The following LRRFIP1 variants were observed in gnomAD, a reference collection of about 807,000 sequenced individuals.
LRRFIP1 encodes LRR binding FLII interacting protein 1.
Under a neutral mutation model 104.4 loss-of-function variants are expected in LRRFIP1, and 62 were observed. That is an observed-to-expected ratio of 0.59 (90% confidence interval 0.48 to 0.73). The LOEUF (loss-of-function observed/expected upper bound fraction) is 0.73. Ranked by LOEUF, LRRFIP1 falls within the 30% of genes least tolerant of loss-of-function variation. The pLI is 0.00. For missense variants in LRRFIP1, 796 were observed against 824.5 expected (o/e 0.97, Z 0.42); for synonymous variants, 300 against 299.0 (o/e 1.00, Z -0.03).
At chr2:237,743,769 G>A (rs544923848) in intron 11 of LRRFIP1, among the ~76,000 whole-genome samples, 2 of 152,260 alleles carry the variant, frequency 1.3e-5, no homozygotes, top group African/African-American at 4.8e-5. Flanking sequence ...TGTGAGGGGA[G>A]GCAAAGGTGC....
In LRRFIP1 at chr2:237,627,658, C is replaced by T. The variant is rs1326279859; in HGVS notation, c.14C>T (p.Thr5Ile). ...GCGACGCGGTCGATGGACATGGGCA[C>T]CCAGGGATCGGGGCGCAAGCGGCTC... Reference protein sequence around the residue: MDMGTQGSGRKRLPN... With the variant: MDMGIQGSGRKRLPN... The change falls in exon 1 of 24, where the codon ACC becomes ATC. Residue 5 changes from threonine (T) to isoleucine (I), a missense_variant. Thr to Ile is a moderately conservative substitution (Grantham distance 89). Coordinates refer to ENST00000308482, the MANE Select transcript of LRRFIP1 (RefSeq NM_001137550.2). 4 of 1,359,324 alleles carry T rather than the reference C, an allele frequency of 2.9e-6. No homozygotes were observed. Among genetic ancestry groups the T allele is most frequent in the African/African-American group, 1.5e-5 (1 of 65,774 alleles). The allele number at this position is 1,359,324 out of a possible 1,614,324, so 84.2% of individuals were successfully genotyped here.
At position 237,703,680 on chromosome 2, in the gene LRRFIP1, G is replaced by A. The variant is rs899576737; in HGVS notation, c.97-4864G>A. Among the ~76,000 whole-genome samples, 2 of 152,000 alleles carry A rather than the reference G, an allele frequency of 1.3e-5. No individual in the cohort carries two copies. Among genetic ancestry groups the A allele is most frequent in the African/African-American group, 2.4e-5 (1 of 41,360 alleles). On this transcript the variant is annotated intron_variant, in intron 1 of 23. Transcript: ENST00000308482. The surrounding 1 kb of genome is among the most constrained non-coding windows in gnomAD (Gnocchi z 4.3). ...AGAGCAGCCCCCGCCCCTGCCACAC[G>A]TTTCTTCCCCCATGTGGTCCTCATC...
At chr2:237,731,636 G>A (rs1259117742) in intron 8 of LRRFIP1, among the ~76,000 whole-genome samples, 2 of 152,164 alleles carry the variant, frequency 1.3e-5, no homozygotes, top group African/African-American at 4.8e-5. Context: ...TAGTCATTAA[G>A]AAAACTTCAT....
intron 1 of LRRFIP1, among the ~76,000 whole-genome samples, chr2:237,675,165 G>T (rs997195537): frequency 2.6e-5 from 4 of 152,202 alleles, no homozygotes; most frequent in African/African-American, 9.7e-5. Context: ...CCCACTCCAA[G>T]CCTTCTGGGA....
chr2:237,695,833 ATAAAAT>A (rs1257834100), intron 1 of LRRFIP1, among the ~76,000 whole-genome samples: 1 of 152,096 alleles, frequency 6.6e-6, no homozygotes, highest in Middle Eastern at 3.2e-3. Flanking sequence ...GACTACCTAG[ATAAAAT>A]TAAGTAAATT....
Position 237,643,621 on chromosome 2 carries a change from G to A in LRRFIP1, c.96+15881G>A, listed in dbSNP as rs532176654. ...CATAGGCCTCCCTCCCTTCTCCCAG[G>A]GGAGAGCCTGGCCAGGGCCCCCAGC... On this transcript the variant is annotated intron_variant, in intron 1 of 23. Transcript: ENST00000308482. Among the ~76,000 whole-genome samples, 534 of 152,346 alleles carry A rather than the reference G, an allele frequency of 3.5e-3. 2 individuals are homozygous for A. The highest frequency in any genetic ancestry group is 5.3e-3 in the Non-Finnish European group (362 of 68,030).
intron 1 of LRRFIP1, among the ~76,000 whole-genome samples, chr2:237,694,988 C>G (rs1487965109): frequency 6.6e-6 from 1 of 152,134 alleles, no homozygotes; most frequent in African/African-American, 2.4e-5. Context: ...GGTACCTGGG[C>G]CAGGGTCCCC....
chr2:237,670,757 C>T (rs1282834821), intron 1 of LRRFIP1, among the ~76,000 whole-genome samples: 1 of 152,228 alleles, frequency 6.6e-6, no homozygotes. Context: ...CTGCAGGCTG[C>T]GTCCCCTGCC....
chr2:237,743,942 G>A (rs1372072627), intron 11 of LRRFIP1, among the ~76,000 whole-genome samples: 1 of 152,196 alleles, frequency 6.6e-6, no homozygotes, highest in Non-Finnish European at 1.5e-5. Flanking sequence ...CATCAGGAAT[G>A]TCCCAAGGGC....
chr2:237,751,146 G>T, intron 13 of LRRFIP1, 54 bp from the exon 14 acceptor site: 1 of 1,256,310 alleles, frequency 8.0e-7, no homozygotes, highest in East Asian at 2.4e-5. Context: ...AAAAGATTTA[G>T]GGAATCACCT....
At chr2:237,708,035 G>A (rs1409083221) in intron 1 of LRRFIP1, among the ~76,000 whole-genome samples, 1 of 152,200 alleles carries the variant, frequency 6.6e-6, no homozygotes. Context: ...GCCTCAGATG[G>A]GTCTGGCAGC....
At chr2:237,760,610 G>A (rs9973821) in intron 19 of LRRFIP1, among the ~76,000 whole-genome samples, 3,422 of 152,294 alleles carry the variant, frequency 0.022, 134 homozygotes, top group African/African-American at 0.078. Flanking sequence ...AGATCAGAAT[G>A]GTTGAGGCCG....
intron 1 of LRRFIP1, among the ~76,000 whole-genome samples, chr2:237,628,486 A>G (rs1438238174): frequency 6.6e-6 from 1 of 151,996 alleles, no homozygotes; most frequent in Admixed American, 6.6e-5. Flanking sequence ...AAGAATGTAC[A>G]TGACATCCAG....
Position 237,735,662 on chromosome 2 carries a change from C to G in LRRFIP1, c.555+329C>G, listed in dbSNP as rs2095221099. The G allele has an allele frequency of 2.2e-5, 6 of 275,592 alleles. No homozygotes were observed. The highest frequency in any genetic ancestry group is 1.5e-4 in the Admixed American group (3 of 20,116). 17.1% of individuals were successfully genotyped at this position (275,592 alleles called of 1,614,324 possible). A position where few individuals can be genotyped will look rare whatever the true frequency, so the allele number is the denominator to read the frequency against. On this transcript the variant is annotated intron_variant, in intron 10 of 23. Coordinates refer to ENST00000308482, the MANE Select transcript of LRRFIP1 (RefSeq NM_001137550.2). The surrounding 1 kb of genome is among the most constrained non-coding windows in gnomAD (Gnocchi z 4.6). ...ACGGGAAAAGGACAACTTGACAGAC[C>G]ACACATCATTCTCGTCCCTGGATAG...
intron 1 of LRRFIP1, among the ~76,000 whole-genome samples, chr2:237,663,514 C>T (rs974654648): frequency 6.6e-6 from 1 of 152,232 alleles, no homozygotes; most frequent in East Asian, 1.9e-4. Context: ...TCCCCAGACA[C>T]TGAATCTGCT....
chr2:237,759,040 A>G (rs1486794958), intron 18 of LRRFIP1, among the ~76,000 whole-genome samples: 3 of 152,234 alleles, frequency 2.0e-5, no homozygotes, highest in Non-Finnish European at 4.4e-5. Context: ...TAATAAACAT[A>G]GCCAATCTTG....
At chr2:237,632,748 C>T (rs1274400323) in intron 1 of LRRFIP1, among the ~76,000 whole-genome samples, 1 of 152,140 alleles carries the variant, frequency 6.6e-6, no homozygotes, top group Non-Finnish European at 1.5e-5. Context: ...TACCTCTCTC[C>T]AGCACTAACC....
intron 1 of LRRFIP1, among the ~76,000 whole-genome samples, chr2:237,631,774 T>C (rs1366201654): frequency 2.0e-5 from 3 of 152,246 alleles, no homozygotes; most frequent in Non-Finnish European, 2.9e-5. Context: ...AAGAATGTTT[T>C]TCCCAACAGG....
chr2:237,688,993 A>G (rs6754598), intron 1 of LRRFIP1, among the ~76,000 whole-genome samples: 6,161 of 151,012 alleles, frequency 0.041, 345 homozygotes, highest in African/African-American at 0.13. Context: ...CCCATGCGTC[A>G]AGTTTGTGGG....
Sources: allele counts gnomAD v4.1 joint callset (sites outside exome capture counted in the v4.1 genomes callset), GRCh38; gene constraint gnomAD v4.1.1; non-coding constraint Gnocchi (gnomAD v3.1); transcripts MANE v1.5; gene names NCBI Gene and HGNC (gene_info 2026-07-23, HGNC 2026-07-21).